The following CAST variants were observed in gnomAD, a reference collection of about 807,000 sequenced individuals.
The protein encoded by CAST is MIR583 host.
A neutral mutation model predicts 119.6 loss-of-function variants in CAST; 76 were observed. That is an observed-to-expected ratio of 0.64 (90% confidence interval 0.53 to 0.77). The LOEUF (loss-of-function observed/expected upper bound fraction) is 0.77. Among genes scored for constraint, CAST ranks in the 30% least tolerant of loss-of-function variants. The pLI, the probability that CAST is intolerant of heterozygous loss-of-function variation, is 0.00. For missense variants in CAST, 953 were observed against 946.5 expected, an observed-to-expected ratio of 1.01 and a Z score of -0.09; for synonymous variants, 319 against 331.6, an observed-to-expected ratio of 0.96 and a Z score of 0.41.
At chr5:96,167,111 G>A in the CAST span, among the ~76,000 whole-genome samples, 110 of 152,266 alleles carry the variant, frequency 7.2e-4, no homozygotes, top group South Asian at 4.8e-3. Flanking sequence ...AAGAGAAGGA[G>A]AGAAACAGGT....
At chr5:96,690,057 TA>T (rs35964821) in intron 2 of CAST, among the ~76,000 whole-genome samples, 1 of 152,084 alleles carries the variant, frequency 6.6e-6, no homozygotes, top group African/African-American at 2.4e-5. Context: ...ACCTCAGGAC[TA>T]AAAAGACTTG....
the CAST span, among the ~76,000 whole-genome samples, chr5:96,151,216 T>C: frequency 1.4e-4 from 21 of 152,318 alleles, no homozygotes; most frequent in African/African-American, 5.1e-4. Flanking sequence ...AAAGAACATA[T>C]GAAGACAGCA....
At chr5:96,363,196 C>A in the CAST span, among the ~76,000 whole-genome samples, 2 of 149,036 alleles carry the variant, frequency 1.3e-5, no homozygotes, top group African/African-American at 5.0e-5. Flanking sequence ...TGGTCTATAT[C>A]TCTGTTTTGG....
At chr5:96,548,951 C>G (rs1449545242) in intron 1 of CAST, among the ~76,000 whole-genome samples, 1 of 152,106 alleles carries the variant, frequency 6.6e-6, no homozygotes, top group Non-Finnish European at 1.5e-5. Flanking sequence ...GCCTGGCAAG[C>G]CTGAAGGTGA....
At chr5:96,404,186 G>T in the CAST span, among the ~76,000 whole-genome samples, 4 of 152,184 alleles carry the variant, frequency 2.6e-5, no homozygotes, top group Non-Finnish European at 5.9e-5. Flanking sequence ...AACACAGGTG[G>T]ATGAGGTTGT....
intron 2 of CAST, among the ~76,000 whole-genome samples, chr5:96,680,036 G>A (rs1317083891): frequency 6.6e-6 from 1 of 151,882 alleles, no homozygotes; most frequent in African/African-American, 2.4e-5. Context: ...AAATTAGAAA[G>A]TACCAGAGAA....
the CAST span, among the ~76,000 whole-genome samples, chr5:96,052,696 C>A: frequency 6.6e-6 from 1 of 152,184 alleles, no homozygotes; most frequent in East Asian, 1.9e-4. Flanking sequence ...AGTAGAGACT[C>A]TTGGGGCACA....
At chr5:96,436,963 T>C in the CAST span, among the ~76,000 whole-genome samples, 5 of 152,312 alleles carry the variant, frequency 3.3e-5, no homozygotes, top group African/African-American at 7.2e-5. Flanking sequence ...ATGATGGAAA[T>C]AGACATGCTT....
intron 1 of CAST, among the ~76,000 whole-genome samples, chr5:96,674,675 A>G (rs1246476667): frequency 6.6e-6 from 1 of 152,344 alleles, no homozygotes; most frequent in African/African-American, 2.4e-5. Context: ...ACGTAAAAAT[A>G]TTTGCATTAG....
the CAST span, among the ~76,000 whole-genome samples, chr5:96,120,664 A>C: frequency 6.8e-6 from 1 of 147,962 alleles, no homozygotes; most frequent in South Asian, 2.1e-4. Flanking sequence ...TATAATATAC[A>C]TATATAATAT....
chr5:96,464,415 C>A, the CAST span, among the ~76,000 whole-genome samples: 3 of 151,904 alleles, frequency 2.0e-5, no homozygotes, highest in Non-Finnish European at 2.9e-5. Context: ...AAGGTCCAGG[C>A]CCAAGATACA....
chr5:96,078,398 C>CT, the CAST span, among the ~76,000 whole-genome samples: 38 of 145,650 alleles, frequency 2.6e-4, no homozygotes, highest in African/African-American at 6.1e-4. Flanking sequence ...TCTGATCAAG[C>CT]TTTTTTTTTT....
At chr5:96,428,736 CT>C in the CAST span, among the ~76,000 whole-genome samples, 4 of 151,898 alleles carry the variant, frequency 2.6e-5, no homozygotes, top group Non-Finnish European at 5.9e-5. Flanking sequence ...AAATAATAGA[CT>C]TTTTTTTCAG....
At chr5:96,748,468 C>T in intron 18 of CAST, 50 bp from the exon 19 acceptor site, 1 of 901,132 alleles carries the variant, frequency 1.1e-6, no homozygotes, top group Non-Finnish European at 1.7e-6. Context: ...TTTTTTTTTA[C>T]AAAATAAAAA....
chr5:96,697,092 C>A (rs376999015), intron 3 of CAST, among the ~76,000 whole-genome samples: 2 of 149,060 alleles, frequency 1.3e-5, no homozygotes, highest in Non-Finnish European at 3.0e-5. Context: ...GGCTTGAACC[C>A]GGGAGGCACA....
At chr5:96,048,906 C>T in the CAST span, among the ~76,000 whole-genome samples, 3 of 152,176 alleles carry the variant, frequency 2.0e-5, no homozygotes, top group Non-Finnish European at 4.4e-5. Context: ...ATATACACCA[C>T]ACTCTCAGCC....
chr5:96,498,416 G>C, the CAST span, among the ~76,000 whole-genome samples: 1 of 152,194 alleles, frequency 6.6e-6, no homozygotes, highest in Non-Finnish European at 1.5e-5. Context: ...TTGGTAGCTT[G>C]ATGGGGATGG....
chr5:96,298,047 C>G, the CAST span, among the ~76,000 whole-genome samples: 3 of 152,184 alleles, frequency 2.0e-5, no homozygotes, highest in Non-Finnish European at 4.4e-5. Context: ...TCTGTTGCCA[C>G]ATGGTATTTG....
the CAST span, among the ~76,000 whole-genome samples, chr5:96,159,955 ACCTG>A: frequency 7.4e-6 from 1 of 134,932 alleles, no homozygotes; most frequent in Non-Finnish European, 1.6e-5. Flanking sequence ...ACATGATGAA[ACCTG>A]TCTCTACTAA....
Sources: allele counts gnomAD v4.1 joint callset (sites outside exome capture counted in the v4.1 genomes callset), GRCh38; gene constraint gnomAD v4.1.1; transcripts MANE v1.5; gene names NCBI Gene and HGNC (gene_info 2026-07-23, HGNC 2026-07-21).